The following PPP1R1C variants were observed in gnomAD, a reference collection of about 807,000 sequenced individuals.
PPP1R1C encodes protein phosphatase 1 regulatory subunit 1C.
In PPP1R1C, 15 loss-of-function variants were observed where a neutral mutation model predicts 17.4. The observed-to-expected ratio is 0.86, with a 90% confidence interval of 0.58 to 1.33. PPP1R1C has a LOEUF of 1.33. Ranked by LOEUF, PPP1R1C falls within the 40% of genes most tolerant of loss-of-function variation. PPP1R1C has a pLI of 0.00. For synonymous variants in PPP1R1C, 35 were observed against 43.1 expected, an observed-to-expected ratio of 0.81 and a Z score of 0.73; for missense variants, 143 against 130.0, an observed-to-expected ratio of 1.10 and a Z score of -0.48.
chr2:182,100,529 G>A (rs1355949836), intron 4 of PPP1R1C, among the ~76,000 whole-genome samples: 1 of 151,804 alleles, frequency 6.6e-6, no homozygotes, highest in East Asian at 1.9e-4. Flanking sequence ...AAAAAAGACG[G>A]GGAGAATGCA....
intron 4 of PPP1R1C, among the ~76,000 whole-genome samples, chr2:182,081,448 C>G (rs1688472916): frequency 6.6e-6 from 1 of 151,946 alleles, no homozygotes; most frequent in South Asian, 2.1e-4. Flanking sequence ...AGTAGCTAAA[C>G]AGAGAAGAGT....
intron 4 of PPP1R1C, among the ~76,000 whole-genome samples, chr2:182,082,910 C>T (rs1006127103): frequency 6.6e-6 from 1 of 151,990 alleles, no homozygotes; most frequent in African/African-American, 2.4e-5. Context: ...TAATACCCAG[C>T]GGGAGACCAC....
intron 2 of PPP1R1C, among the ~76,000 whole-genome samples, chr2:182,052,596 A>C (rs1349191043): frequency 2.0e-5 from 3 of 152,062 alleles, no homozygotes; most frequent in Non-Finnish European, 4.4e-5. Flanking sequence ...CTCCTCTGAC[A>C]CTCACCTGCT....
intron 2 of PPP1R1C, among the ~76,000 whole-genome samples, chr2:181,996,281 A>G (rs1297739658): frequency 6.6e-6 from 1 of 152,198 alleles, no homozygotes; most frequent in Non-Finnish European, 1.5e-5. Flanking sequence ...TGTGAAAGCC[A>G]GAGGTGGAGG....
At chr2:182,092,109 T>G (rs1688798106) in intron 4 of PPP1R1C, among the ~76,000 whole-genome samples, 1 of 152,178 alleles carries the variant, frequency 6.6e-6, no homozygotes, top group South Asian at 2.1e-4. Flanking sequence ...TATTAGTCCG[T>G]TTTCATGCTG....
intron 4 of PPP1R1C, among the ~76,000 whole-genome samples, chr2:182,096,722 G>A (rs1400004): frequency 5.7e-4 from 87 of 152,078 alleles, no homozygotes; most frequent in African/African-American, 2.0e-3. Flanking sequence ...CCAACAGTGA[G>A]AGTGAAGGCC....
chr2:182,069,955 G>A (rs747425481), intron 4 of PPP1R1C, among the ~76,000 whole-genome samples: 4 of 152,184 alleles, frequency 2.6e-5, no homozygotes, highest in African/African-American at 9.6e-5. Flanking sequence ...TTTGCCATGT[G>A]TGGAATGCTG....
chr2:182,126,177 CTT>C (rs1689868000), intron 5 of PPP1R1C, among the ~76,000 whole-genome samples: 1 of 151,690 alleles, frequency 6.6e-6, no homozygotes, highest in African/African-American at 2.4e-5. Context: ...TTTTAAAAGT[CTT>C]TATATGTTTT....
upstream of PPP1R1C, among the ~76,000 whole-genome samples, chr2:181,984,020 C>A (rs1361172110): frequency 6.6e-6 from 1 of 152,204 alleles, no homozygotes; most frequent in Non-Finnish European, 1.5e-5. Flanking sequence ...ATACCAAACA[C>A]ATATATGAAA....
chr2:182,032,795 G>A (rs1415052912), intron 2 of PPP1R1C, among the ~76,000 whole-genome samples: 1 of 152,102 alleles, frequency 6.6e-6, no homozygotes, highest in Non-Finnish European at 1.5e-5. Flanking sequence ...GTGATGGGAT[G>A]AATAATGCCC....
chr2:182,116,546 G>A lies in PPP1R1C; in HGVS notation c.242-661G>A, dbSNP rs112316553. ...TGAGGGAGCCTGGAGTAGCCCGGGG[G>A]AAAAGTAGGTTAGTGTTGTTAAGTG... On this transcript the variant is annotated intron_variant, in intron 4 of 4. Coordinates refer to ENST00000682840, the MANE Select transcript of PPP1R1C (RefSeq NM_001080545.3). Among the ~76,000 whole-genome samples, 60 of 152,224 alleles carry A rather than the reference G, an allele frequency of 3.9e-4. 2 individuals are homozygous for A. Among genetic ancestry groups the A allele is most frequent in the African/African-American group, 1.4e-3 (57 of 41,548 alleles).
At chr2:182,051,712 T>C (rs1687523328) in intron 2 of PPP1R1C, among the ~76,000 whole-genome samples, 2 of 152,244 alleles carry the variant, frequency 1.3e-5, no homozygotes, top group Non-Finnish European at 2.9e-5. Flanking sequence ...GTGAACTTGA[T>C]ATTGACATAA....
intron 4 of PPP1R1C, among the ~76,000 whole-genome samples, chr2:182,113,870 G>A (rs759157726): frequency 1.2e-4 from 18 of 151,986 alleles, no homozygotes; most frequent in Non-Finnish European, 2.4e-4. Context: ...TAAAAATATT[G>A]GCCTGTGGTT....
At chr2:181,968,247 T>G (rs1033175868) in intron 1 of PPP1R1C, among the ~76,000 whole-genome samples, 2 of 152,206 alleles carry the variant, frequency 1.3e-5, no homozygotes, top group African/African-American at 4.8e-5. Context: ...CAAAGTTTCT[T>G]TGTTGATTTT....
At chr2:181,987,609 G>A (rs1045597257) in intron 1 of PPP1R1C, among the ~76,000 whole-genome samples, 5 of 152,054 alleles carry the variant, frequency 3.3e-5, no homozygotes, top group East Asian at 3.9e-4. Flanking sequence ...TTTCTTTTCC[G>A]TGGAAATGTA....
At chr2:182,061,417 T>C (rs3754930) in intron 2 of PPP1R1C, 25 bp from the exon 3 acceptor site, 159,929 of 1,401,734 alleles carry the variant, frequency 0.11, 10,550 homozygotes, top group South Asian at 0.21. Context: ...ACATGCCTAA[T>C]ACATTCTACC....
intron 2 of PPP1R1C, among the ~76,000 whole-genome samples, chr2:182,012,894 T>G (rs187168304): frequency 6.6e-6 from 1 of 152,100 alleles, no homozygotes; most frequent in Non-Finnish European, 1.5e-5. Flanking sequence ...AAGAGAAAAC[T>G]AATAAAAACT....
intron 4 of PPP1R1C, among the ~76,000 whole-genome samples, chr2:182,074,309 A>G (rs1252367241): frequency 2.0e-5 from 3 of 152,142 alleles, no homozygotes; most frequent in East Asian, 2.0e-4. Flanking sequence ...CCAAAGTGCT[A>G]GGGTTACAGG....
chr2:182,033,919 A>G (rs1367721352), intron 2 of PPP1R1C, among the ~76,000 whole-genome samples: 4 of 152,160 alleles, frequency 2.6e-5, no homozygotes, highest in African/African-American at 7.2e-5. Flanking sequence ...CATTGTATTC[A>G]TGATATTCTC....
Sources: gnomAD v4.1 joint callset for allele counts (sites outside exome capture counted in the v4.1 genomes callset) on GRCh38, gnomAD v4.1.1 for gene constraint, MANE v1.5 for transcripts, NCBI Gene and HGNC (gene_info 2026-07-23, HGNC 2026-07-21) for gene names.